The following SDK1 variants were observed in gnomAD, a reference collection of about 807,000 sequenced individuals.
The protein encoded by SDK1 is sidekick cell adhesion molecule 1.
SDK1 carries 157 observed loss-of-function variants against 245.5 expected under a neutral mutation model. The ratio of observed to expected loss-of-function variants is 0.64; its 90% CI spans 0.56 to 0.73. The LOEUF (loss-of-function observed/expected upper bound fraction) is 0.73, where lower values mean the gene tolerates loss of function less well. SDK1 is among the 30% of genes least tolerant of loss of function. The pLI, the probability that SDK1 is intolerant of heterozygous loss-of-function variation, is 0.00. For synonymous variants in SDK1, 1,647 were observed against 1,278.5 expected, an observed-to-expected ratio of 1.29 and a Z score of -6.15; for missense variants, 3,583 against 3,002.3, an observed-to-expected ratio of 1.19 and a Z score of -4.52.
At chr7:3,659,727 G>A (rs1438630422) in intron 4 of SDK1, among the ~76,000 whole-genome samples, 1 of 152,210 alleles carries the variant, frequency 6.6e-6, no homozygotes, top group Non-Finnish European at 1.5e-5. Flanking sequence ...TAGAGAGTAA[G>A]GGGCAGAAGG....
At chr7:3,312,660 T>G (rs1481211105) in intron 1 of SDK1, among the ~76,000 whole-genome samples, 1 of 152,030 alleles carries the variant, frequency 6.6e-6, no homozygotes, top group Non-Finnish European at 1.5e-5. Flanking sequence ...AATCAATAGA[T>G]TTTTAAAGGA....
At position 3,730,699 on chromosome 7, in the gene SDK1, G is replaced by A. The variant is rs1008331489; in HGVS notation, c.713+88594G>A. On this transcript the variant is annotated intron_variant, in intron 4 of 44. Transcript: ENST00000404826. ...AGTTTTCCTTACACACAATATTAAC[G>A]TTCATATTCCTTCCAGGAAACTATC... is the stretch of plus-strand genomic sequence containing the variant. Among the ~76,000 whole-genome samples, 5 of 152,066 alleles carry A rather than the reference G, an allele frequency of 3.3e-5. 1 individual carries two copies. Among genetic ancestry groups the A allele is most frequent in the South Asian group, 4.2e-4 (2 of 4,816 alleles).
chr7:3,468,922 G>A (rs904339649), intron 1 of SDK1, among the ~76,000 whole-genome samples: 5 of 152,060 alleles, frequency 3.3e-5, no homozygotes, highest in African/African-American at 1.2e-4. Flanking sequence ...AAGGGGGTAG[G>A]TTTCCCTTGA....
At chr7:3,474,098 T>G (rs961980103) in intron 1 of SDK1, among the ~76,000 whole-genome samples, 2 of 124,082 alleles carry the variant, frequency 1.6e-5, no homozygotes, top group Non-Finnish European at 3.4e-5. Flanking sequence ...GGTGTTTTTT[T>G]TTTTTTTTTT....
At chr7:4,170,965 C>T (rs1421967554) in intron 32 of SDK1, among the ~76,000 whole-genome samples, 1 of 152,242 alleles carries the variant, frequency 6.6e-6, no homozygotes, top group African/African-American at 2.4e-5. Context: ...GCACTGTAGC[C>T]TCCCCTACCT....
intron 5 of SDK1, among the ~76,000 whole-genome samples, chr7:3,949,501 C>A (rs192637675): frequency 2.0e-5 from 3 of 152,198 alleles, no homozygotes. Flanking sequence ...CAGAATCCTC[C>A]GCTGCCGCTC....
At chr7:3,351,236 G>T (rs1296028887) in intron 1 of SDK1, among the ~76,000 whole-genome samples, 2 of 152,050 alleles carry the variant, frequency 1.3e-5, no homozygotes, top group African/African-American at 4.8e-5. Context: ...CCTATGTTTT[G>T]CTTTCAACTA....
intron 1 of SDK1, among the ~76,000 whole-genome samples, chr7:3,549,011 GC>G (rs142100037): frequency 0.012 from 1,800 of 152,234 alleles, 34 homozygotes; most frequent in African/African-American, 0.041. Context: ...GAGGTGAGGC[GC>G]CCCCCTTCCT....
chr7:3,375,711 C>A (rs375423426), intron 1 of SDK1, among the ~76,000 whole-genome samples: 10 of 152,270 alleles, frequency 6.6e-5, no homozygotes, highest in African/African-American at 1.2e-4. Context: ...CATCAACTTG[C>A]CTGCCATGTG....
chr7:4,158,654 G>C (rs1780923858), intron 31 of SDK1, 103 bp downstream of exon 31: 1 of 760,462 alleles, frequency 1.3e-6, no homozygotes, highest in Non-Finnish European at 2.2e-6. Context: ...CCACCAGGGA[G>C]TGGTGGAAAG....
intron 1 of SDK1, among the ~76,000 whole-genome samples, chr7:3,417,972 C>CCCTT (rs939771374): frequency 3.9e-5 from 6 of 151,966 alleles, no homozygotes; most frequent in African/African-American, 1.5e-4. Flanking sequence ...AACATTGGAA[C>CCCTT]CCTTACAAGT....
intron 4 of SDK1, among the ~76,000 whole-genome samples, chr7:3,671,619 A>G (rs762590888): frequency 1.2e-4 from 19 of 152,364 alleles, no homozygotes; most frequent in Non-Finnish European, 1.5e-5. Flanking sequence ...AAAAAATCCA[A>G]GTGAAGAGTG....
intron 13 of SDK1, among the ~76,000 whole-genome samples, chr7:3,985,088 C>G (rs768597009): frequency 7.2e-5 from 11 of 152,210 alleles, no homozygotes; most frequent in Non-Finnish European, 1.3e-4. Context: ...AAGCCCCAAC[C>G]CTCTTATCCC....
intron 4 of SDK1, among the ~76,000 whole-genome samples, chr7:3,790,694 T>C (rs967869058): frequency 6.6e-6 from 1 of 152,096 alleles, no homozygotes; most frequent in Non-Finnish European, 1.5e-5. Flanking sequence ...TGATCCCAGC[T>C]ACTCGGGAGA....
chr7:3,844,944 T>A (rs929532587), intron 5 of SDK1, among the ~76,000 whole-genome samples: 1 of 152,324 alleles, frequency 6.6e-6, no homozygotes, highest in Admixed American at 6.5e-5. Flanking sequence ...ACATCATACT[T>A]TATTAGCTAG....
intron 35 of SDK1, 22 bp from the exon 36 acceptor site, chr7:4,205,857 C>G (rs780850784): frequency 6.5e-7 from 1 of 1,538,368 alleles, no homozygotes; most frequent in Non-Finnish European, 8.8e-7. Flanking sequence ...CTCAGCTTCT[C>G]TCCGCATTGC....
chr7:3,776,762 T>A (rs539164376), intron 4 of SDK1, among the ~76,000 whole-genome samples: 1 of 151,908 alleles, frequency 6.6e-6, no homozygotes, highest in Non-Finnish European at 1.5e-5. Context: ...GCCAATAGAA[T>A]AGTTTCCTGG....
At position 3,799,751 on chromosome 7, in the gene SDK1, A is replaced by G. The variant is rs1353447980; in HGVS notation, c.714-21699A>G. Among the ~76,000 whole-genome samples, 5 of 150,940 alleles carry G rather than the reference A, an allele frequency of 3.3e-5. No individual in the cohort carries two copies. The East Asian group carries it at 9.7e-4, about 29-fold the overall frequency. On this transcript the variant is annotated intron_variant, in intron 4 of 44. Coordinates refer to ENST00000404826, the MANE Select transcript of SDK1 (RefSeq NM_152744.4). The stretch of plus-strand genomic sequence containing the variant: ...ACCTCGTTTATCCTAAAATTGCCAT[A>G]CTGGGCTCGTGACTTCTCTCTACCC...
intron 7 of SDK1, chr7:3,952,142 CCTT>C (rs774360295): frequency 1.4e-4 from 79 of 549,068 alleles, no homozygotes; most frequent in Non-Finnish European, 2.2e-4. Flanking sequence ...CAAGAAACGT[CCTT>C]CTGAATACTC....
Sources: gnomAD v4.1 joint callset for allele counts (sites outside exome capture counted in the v4.1 genomes callset) on GRCh38, gnomAD v4.1.1 for gene constraint, MANE v1.5 for transcripts, NCBI Gene and HGNC (gene_info 2026-07-23, HGNC 2026-07-21) for gene names.